Variants in PREPL observed in about 807,000 individuals in gnomAD.
PREPL encodes the protein prolyl endopeptidase-like.
In PREPL, 77 loss-of-function variants were observed where a neutral mutation model predicts 70.6. The ratio of observed to expected loss-of-function variants is 1.09; its 90% confidence interval spans 0.91 to 1.32. The LOEUF (loss-of-function observed/expected upper bound fraction) is 1.32, where lower values mean the gene tolerates loss of function less well. PREPL is among the 40% of genes most tolerant of loss of function. The probability of loss-of-function intolerance (pLI) is 0.00; values close to 1 mark genes in which losing one functional copy is unlikely to be tolerated. For missense variants in PREPL, 1,002 were observed against 778.2 expected (o/e 1.29, Z -3.42); for synonymous variants, 315 against 264.8 (o/e 1.19, Z -1.84).
At chr2:44,359,167 C>G (rs891188592) in intron 1 of PREPL, among the ~76,000 whole-genome samples, 26 of 146,360 alleles carry the variant, frequency 1.8e-4, no homozygotes, top group Admixed American at 1.4e-3. Context: ...CTCCTGGGTT[C>G]AAGAGATTCT....
At chr2:44,327,102 C>A (rs1673585412) in intron 9 of PREPL, among the ~76,000 whole-genome samples, 174 bp from the exon 10 acceptor site, 1 of 152,150 alleles carries the variant, frequency 6.6e-6, no homozygotes, top group South Asian at 2.1e-4. Flanking sequence ...CTGTACGCGG[C>A]CTGCAAAGCT....
At position 44,321,653 on chromosome 2, in the gene PREPL, G is replaced by A. The variant is rs530439504; in HGVS notation, c.1827+174C>T. 3.6e-5 allele frequency: 54 copies of A among 1,519,734 alleles called. No homozygotes were observed. The African/African-American group carries it at 7.1e-4, about 20-fold the overall frequency. 94.1% of individuals were successfully genotyped at this position (1,519,734 alleles called of 1,614,324 possible). Reference sequence around the variant, plus strand: ...CAGAGCTCACGTATCAAGTACAAGAGAGAGACATTTCTCTTGATTGACACA... The same window carrying A: ...CAGAGCTCACGTATCAAGTACAAGAAAGAGACATTTCTCTTGATTGACACA... On this transcript the variant is annotated intron_variant, in intron 13 of 13. Coordinates refer to ENST00000409411, the MANE Select transcript of PREPL (RefSeq NM_001171613.2).
At chr2:44,323,758 AAAC>A (rs534544261) in intron 10 of PREPL, among the ~76,000 whole-genome samples, 81 of 152,248 alleles carry the variant, frequency 5.3e-4, no homozygotes, top group East Asian at 3.3e-3. Flanking sequence ...TATTATATTA[AAAC>A]AACAACAACA....
intron 1 of PREPL, chr2:44,360,384 T>A (rs1054253858): frequency 4.6e-5 from 7 of 152,232 alleles, no homozygotes; most frequent in Admixed American, 2.6e-4. Flanking sequence ...AAGCAACTGT[T>A]CCAGGTCACT....
rs1054943126 is a variant in PREPL at position 44,319,849 on chromosome 2, C to T, written c.*1507G>A. On this transcript the variant is annotated 3_prime_UTR_variant, in exon 14 of 14. Coordinates refer to ENST00000409411, the MANE Select transcript of PREPL (RefSeq NM_001171613.2). ...CTTCTTTCTGGCCATCTGGCAGTTA[C>T]AATATAGCACAGAATGACTATGCAA... 4.7e-6 allele frequency: 1 copy of T among 214,988 alleles called. No individual in the cohort carries two copies. The highest frequency in any genetic ancestry group is 1.2e-4 in the East Asian group (1 of 8,344). The allele number at this position is 214,988 out of a possible 1,614,324, so 13.3% of individuals were successfully genotyped here. A position where few individuals can be genotyped will look rare whatever the true frequency, so the allele number is the denominator to read the frequency against.
chr2:44,320,647 T>C lies in PREPL; in HGVS notation c.*709A>G. On this transcript the variant is annotated 3_prime_UTR_variant, in exon 14 of 14. Coordinates refer to ENST00000409411, the MANE Select transcript of PREPL (RefSeq NM_001171613.2). ...CTGTATACCTCGTGTTAGGCACCTT[T>C]ATGAAGAGATGAAGACACTGGCATT... 6.2e-7 allele frequency: 1 copy of C among 1,608,176 alleles called. No homozygotes were observed. The highest frequency in any genetic ancestry group is 8.5e-7 in the Non-Finnish European group (1 of 1,174,726).
intron 1 of PREPL, among the ~76,000 whole-genome samples, chr2:44,350,749 G>T (rs1669122099): frequency 6.6e-6 from 1 of 152,164 alleles, no homozygotes; most frequent in South Asian, 2.1e-4. Flanking sequence ...TCCTGTCAAG[G>T]TCACTCAATG....
At chr2:44,345,087 C>T (rs1675646473) in intron 2 of PREPL, among the ~76,000 whole-genome samples, 1 of 152,170 alleles carries the variant, frequency 6.6e-6, no homozygotes. Flanking sequence ...CAAACTATTT[C>T]ACCTGCTGTA....
intron 10 of PREPL, 82 bp from the exon 11 acceptor site, chr2:44,323,493 T>C (rs1283233267): frequency 2.7e-6 from 3 of 1,107,666 alleles, no homozygotes; most frequent in Admixed American, 2.9e-5. Context: ...TTTATGAATA[T>C]ACATACTAAT....
chr2:44,344,034 G>A (rs984949556), intron 3 of PREPL, 83 bp from the exon 4 acceptor site: 4 of 1,453,012 alleles, frequency 2.8e-6, no homozygotes, highest in Non-Finnish European at 3.6e-6. Flanking sequence ...TTTTAAATTA[G>A]AATTCCCATT....
intron 1 of PREPL, among the ~76,000 whole-genome samples, chr2:44,355,772 TATATATACAC>T (rs774776014): frequency 9.0e-6 from 1 of 110,500 alleles, no homozygotes; most frequent in Non-Finnish European, 2.1e-5. Context: ...TATATATATA[TATATATACAC>T]ACACACACAC....
intron 9 of PREPL, among the ~76,000 whole-genome samples, chr2:44,328,282 A>C (rs1673729550): frequency 6.7e-6 from 1 of 149,666 alleles, no homozygotes; most frequent in Non-Finnish European, 1.5e-5. Context: ...AAAAAAAAAA[A>C]AAAAATTCAG....
At chr2:44,348,526 T>G (rs1448287787) in intron 1 of PREPL, among the ~76,000 whole-genome samples, 1 of 152,216 alleles carries the variant, frequency 6.6e-6, no homozygotes, top group African/African-American at 2.4e-5. Context: ...GTCATGGAGC[T>G]GGGTTCTGTC....
Position 44,326,830 on chromosome 2 carries a change from T to C in PREPL, c.1361A>G (p.His454Arg), listed in dbSNP as rs765910640. 14 of 1,614,034 alleles carry C rather than the reference T, an allele frequency of 8.7e-6. No individual in the cohort carries two copies. The highest frequency in any genetic ancestry group is 9.3e-6 in the Non-Finnish European group (11 of 1,180,030). Residue 454 changes from histidine to arginine, a missense_variant, in exon 10 of 14, where the codon CAT (histidine) becomes CGT (arginine). Physicochemically the swap from His to Arg is conservative, Grantham distance 29. Coordinates refer to ENST00000409411, the MANE Select transcript of PREPL (RefSeq NM_001171613.2). ...ADLEACIKTL[H>R]GQGFSQPSLT... ...ACTTGGCTGAGAAAAGCCTTGGCCA[T>C]GAAGCGTCTTAATGCAAGCCTCTAA...
chr2:44,340,183 C>A (rs945617218), intron 5 of PREPL, among the ~76,000 whole-genome samples: 6 of 151,758 alleles, frequency 4.0e-5, no homozygotes, highest in African/African-American at 1.5e-4. Flanking sequence ...TATCATAATT[C>A]TTAAAAATTT....
chr2:44,338,621 C>G (rs2103916430), intron 6 of PREPL, 85 bp from the exon 7 acceptor site: 1 of 1,055,690 alleles, frequency 9.5e-7, no homozygotes, highest in Middle Eastern at 2.1e-4. Context: ...AGAACTAGAC[C>G]ATACTAGTCC....
Position 44,320,990 on chromosome 2 carries a change from C to A in PREPL, c.*366G>T, listed in dbSNP as rs2103653034. ...TAGAAATTAGAGGATGACTCACTGC[C>A]ACAGTGTCTAAAAGCATTTGCTAGC... On this transcript the variant is annotated 3_prime_UTR_variant, in exon 14 of 14. Coordinates refer to ENST00000409411, the MANE Select transcript of PREPL (RefSeq NM_001171613.2). 14 of 396,652 alleles carry A rather than the reference C, an allele frequency of 3.5e-5. No individual in the cohort carries two copies. In the South Asian group the frequency reaches 3.6e-4, roughly 10 times the overall value. The allele number at this position is 396,652 out of a possible 1,614,324, so 24.6% of individuals were successfully genotyped here. A position where few individuals can be genotyped will look rare whatever the true frequency, so the allele number is the denominator to read the frequency against.
At chr2:44,353,243 T>C (rs559677637) in intron 1 of PREPL, among the ~76,000 whole-genome samples, 20 of 152,194 alleles carry the variant, frequency 1.3e-4, no homozygotes, top group African/African-American at 4.6e-4. Flanking sequence ...TCTGTGGCTT[T>C]AGTTTCTTCA....
In PREPL at chr2:44,319,025, TG is replaced by T. The variant is rs1672692227; in HGVS notation, c.*2330del. The T allele has an allele frequency of 6.6e-6, 1 of 152,206 alleles. No homozygotes were observed. Among genetic ancestry groups the T allele is most frequent in the Non-Finnish European group, 1.5e-5 (1 of 68,042 alleles). 9.4% of individuals were successfully genotyped at this position (152,206 alleles called of 1,614,324 possible). On this transcript the variant is annotated 3_prime_UTR_variant, in exon 14 of 14. Transcript: ENST00000409411. ...ACTTACCGGGCACTTCTTATGTGAG[TG>T]GCACTGAAACATGTGCTTTCATGCA...
Sources: allele counts gnomAD v4.1 joint callset (sites outside exome capture counted in the v4.1 genomes callset), GRCh38; gene constraint gnomAD v4.1.1; transcripts MANE v1.5; gene names NCBI Gene and HGNC (gene_info 2026-07-23, HGNC 2026-07-21).